The following PDE4D variants were observed in gnomAD, a reference collection of about 807,000 sequenced individuals.
The protein encoded by PDE4D is 3',5'-cyclic-AMP phosphodiesterase 4D.
In PDE4D, 24 loss-of-function variants were observed where a neutral mutation model predicts 87.4. The observed-to-expected ratio is 0.27, with a 90% CI of 0.20 to 0.39. PDE4D has a LOEUF of 0.39. Among genes scored for constraint, PDE4D ranks in the 10% least tolerant of loss-of-function variants. The pLI is 1.00. For missense variants in PDE4D, 714 were observed against 1,041.0 expected (o/e 0.69, Z 4.32); for synonymous variants, 384 against 383.2 (o/e 1.00, Z -0.02).
chr5:59,386,294 A>T lies in PDE4D; in HGVS notation c.456-170326T>A, dbSNP rs578182580. ...ATTGAATACTAGTTTTTGAGATGTTAAGAGTCCAGTTGAATAATAAAAACA... is the reference window on the plus strand; with the variant it reads ...ATTGAATACTAGTTTTTGAGATGTTTAGAGTCCAGTTGAATAATAAAAACA... On this transcript the variant is annotated intron_variant, in intron 1 of 14. Coordinates refer to ENST00000340635, the MANE Select transcript of PDE4D (RefSeq NM_001104631.2). Among the ~76,000 whole-genome samples, 3 of 152,316 alleles carry T rather than the reference A, an allele frequency of 2.0e-5. No homozygotes were observed. In the South Asian group the frequency reaches 6.2e-4, roughly 32 times the overall value.
intron 1 of PDE4D, among the ~76,000 whole-genome samples, chr5:59,460,908 A>G (rs1268649893): frequency 2.0e-5 from 3 of 152,168 alleles, no homozygotes; most frequent in Non-Finnish European, 4.4e-5. Context: ...CTTGATTAGT[A>G]AATCACTCAA....
chr5:59,108,440 A>C (rs1207247170), intron 5 of PDE4D, among the ~76,000 whole-genome samples: 1 of 152,086 alleles, frequency 6.6e-6, no homozygotes. Flanking sequence ...ATTAGTGTAC[A>C]TGTGTATGTG....
intron 1 of PDE4D, among the ~76,000 whole-genome samples, chr5:59,616,214 T>A (rs948905127): frequency 1.3e-5 from 2 of 152,144 alleles, no homozygotes; most frequent in Non-Finnish European, 2.9e-5. Flanking sequence ...TCATCTGATT[T>A]TAATGCAAAT....
chr5:59,570,239 A>G (rs1356033565), intron 1 of PDE4D, among the ~76,000 whole-genome samples: 1 of 152,200 alleles, frequency 6.6e-6, no homozygotes, highest in Non-Finnish European at 1.5e-5. Context: ...AGAACTGAAC[A>G]TAATAGTGGG....
intron 1 of PDE4D, among the ~76,000 whole-genome samples, chr5:59,791,622 A>G (rs1006424458): frequency 6.6e-6 from 1 of 152,214 alleles, no homozygotes; most frequent in Non-Finnish European, 1.5e-5. Flanking sequence ...TTTCAAAAAT[A>G]TTTGTAGAGT....
intron 1 of PDE4D, among the ~76,000 whole-genome samples, chr5:60,227,064 T>C (rs768162913): frequency 3.9e-5 from 6 of 152,078 alleles, no homozygotes; most frequent in Non-Finnish European, 7.4e-5. Flanking sequence ...GATAGATATA[T>C]AGATAGATAC....
Position 60,468,947 on chromosome 5 carries a change from A to C in PDE4D, c.-90+18995T>G, listed in dbSNP as rs915871895. On this transcript the variant is annotated intron_variant, in intron 1 of 16. Coordinates refer to the PDE4D transcript ENST00000502484. ...CGTCCCCACCATTTCCTGCATCTTC[A>C]AGCCTTTGCCTTTACCTCCTGGATG... 4.6e-5 allele frequency among the ~76,000 whole-genome samples: 7 copies of C among 152,048 alleles called. No homozygotes were observed. In the East Asian group the frequency reaches 1.4e-3, roughly 29 times the overall value.
intron 1 of PDE4D, among the ~76,000 whole-genome samples, chr5:60,478,291 TC>T (rs1561299964): frequency 6.6e-6 from 1 of 152,212 alleles, no homozygotes; most frequent in Admixed American, 6.5e-5. Context: ...ACCGTTAGCA[TC>T]CCCTTAAATT....
At chr5:60,167,266 CTTTTTT>C (rs142613050) in intron 2 of PDE4D, among the ~76,000 whole-genome samples, 7 of 86,474 alleles carry the variant, frequency 8.1e-5, no homozygotes, top group African/African-American at 2.8e-4. Flanking sequence ...TGTGTATTTT[CTTTTTT>C]TTTTTTTTTT....
intron 5 of PDE4D, among the ~76,000 whole-genome samples, chr5:59,076,315 G>C (rs1170751858): frequency 6.6e-6 from 1 of 152,092 alleles, no homozygotes; most frequent in Admixed American, 6.5e-5. Flanking sequence ...TAAATCTAGA[G>C]AACAAGTACT....
intron 5 of PDE4D, among the ~76,000 whole-genome samples, chr5:59,089,172 T>TTTGTTG (rs202105850): frequency 1.3e-5 from 2 of 151,966 alleles, no homozygotes; most frequent in African/African-American, 2.4e-5. Context: ...TTTATACATT[T>TTTGTTG]TTGTTGTTGT....
intron 1 of PDE4D, among the ~76,000 whole-genome samples, chr5:59,387,311 C>A (rs1266625221): frequency 1.3e-5 from 2 of 152,088 alleles, no homozygotes; most frequent in Admixed American, 6.6e-5. Context: ...ACCATGCAAC[C>A]ATTTTGCAGG....
At chr5:59,686,376 G>C (rs1749862066) in intron 1 of PDE4D, among the ~76,000 whole-genome samples, 1 of 152,096 alleles carries the variant, frequency 6.6e-6, no homozygotes, top group Non-Finnish European at 1.5e-5. Context: ...TCATTAACTT[G>C]CCTAAAGTCG....
intron 3 of PDE4D, among the ~76,000 whole-genome samples, chr5:59,959,131 C>CACAT (rs1271470663): frequency 2.0e-5 from 3 of 151,390 alleles, no homozygotes; most frequent in Non-Finnish European, 4.4e-5. Flanking sequence ...CACACACACA[C>CACAT]AAATACCTAG....
At chr5:60,376,566 A>T (rs748989440) in intron 1 of PDE4D, among the ~76,000 whole-genome samples, 2 of 152,208 alleles carry the variant, frequency 1.3e-5, no homozygotes, top group Non-Finnish European at 2.9e-5. Flanking sequence ...TATGTCCTTC[A>T]TGTTTAAAAC....
intron 1 of PDE4D, among the ~76,000 whole-genome samples, chr5:60,283,998 G>A (rs1050150143): frequency 1.3e-5 from 2 of 152,004 alleles, no homozygotes; most frequent in African/African-American, 4.8e-5. Context: ...ATTAAAATAC[G>A]CAGAATCATC....
chr5:59,390,988 T>C (rs1412364258), intron 1 of PDE4D, among the ~76,000 whole-genome samples: 3 of 152,198 alleles, frequency 2.0e-5, no homozygotes, highest in Non-Finnish European at 2.9e-5. Context: ...GTTAGAATTA[T>C]GGTGCTATAT....
At chr5:60,262,119 A>G (rs1749707943) in intron 1 of PDE4D, among the ~76,000 whole-genome samples, 1 of 152,094 alleles carries the variant, frequency 6.6e-6, no homozygotes, top group Middle Eastern at 3.2e-3. Flanking sequence ...CACAAAGCCT[A>G]CTATCACCTG....
At chr5:60,091,980 G>A (rs1411902311) in intron 2 of PDE4D, among the ~76,000 whole-genome samples, 6 of 149,024 alleles carry the variant, frequency 4.0e-5, no homozygotes, top group African/African-American at 1.5e-4. Flanking sequence ...GAACCCGGGA[G>A]GCGGAGCTTG....
Sources: gnomAD v4.1 joint callset for allele counts (sites outside exome capture counted in the v4.1 genomes callset) on GRCh38, gnomAD v4.1.1 for gene constraint, MANE v1.5 for transcripts, NCBI Gene and HGNC (gene_info 2026-07-23, HGNC 2026-07-21) for gene names.